SAMD3: variants seen among roughly 807,000 people sequenced by gnomAD.
The protein encoded by SAMD3 is sterile alpha motif domain containing 3.
SAMD3 carries 63 observed loss-of-function variants against 58.5 expected under a neutral mutation model. The ratio of observed to expected loss-of-function variants is 1.08; its 90% CI spans 0.88 to 1.33. The LOEUF (loss-of-function observed/expected upper bound fraction) is 1.33. Ranked by LOEUF, SAMD3 falls within the 40% of genes most tolerant of loss-of-function variation. The pLI is 0.00. For synonymous variants in SAMD3, 220 were observed against 210.3 expected (o/e 1.05, Z -0.40); for missense variants, 604 against 608.4 (o/e 0.99, Z 0.08).
chr6:130,193,051 G>A (rs1391143395), intron 5 of SAMD3, among the ~76,000 whole-genome samples: 2 of 152,148 alleles, frequency 1.3e-5, no homozygotes, highest in Non-Finnish European at 2.9e-5. Context: ...AGACTGGGAA[G>A]GCAGCCTTCC....
intron 7 of SAMD3, chr6:130,182,925 CT>C (rs1792507744): frequency 6.1e-6 from 1 of 163,346 alleles, no homozygotes; most frequent in Non-Finnish European, 1.3e-5. Flanking sequence ...GACCATCTAC[CT>C]TTTTGTATAC....
At position 130,144,477 on chromosome 6, in the gene SAMD3, A is replaced by C; in HGVS notation, c.*43T>G. On this transcript the variant is annotated 3_prime_UTR_variant, in exon 12 of 12. Coordinates refer to ENST00000439090, the MANE Select transcript of SAMD3 (RefSeq NM_001017373.4). ...TCAAAACAATTTCTTATGAAGCTTC[A>C]GTTTTCCCAGAGGTAAATTCCAGTA... 6.4e-7 allele frequency: 1 copy of C among 1,570,992 alleles called. No homozygotes were observed. The highest frequency in any genetic ancestry group is 1.2e-5 in the South Asian group (1 of 84,170).
intron 5 of SAMD3, among the ~76,000 whole-genome samples, chr6:130,186,925 C>T (rs768719246): frequency 7.9e-5 from 12 of 151,982 alleles, no homozygotes; most frequent in African/African-American, 1.4e-4. Flanking sequence ...CGCATGCCAC[C>T]GTGCCTGGCT....
intron 1 of SAMD3, among the ~76,000 whole-genome samples, chr6:130,317,363 A>G (rs1186923811): frequency 6.6e-6 from 1 of 152,214 alleles, no homozygotes; most frequent in Non-Finnish European, 1.5e-5. Context: ...TTGGACGCCT[A>G]CTACGTGTTA....
rs544964663 is a variant in SAMD3 at position 130,289,744 on chromosome 6, C to T, written c.-188+23234G>A. Among the ~76,000 whole-genome samples the T allele has an allele frequency of 3.9e-5, 6 of 152,332 alleles. No homozygotes were observed. In the East Asian group the frequency reaches 1.2e-3, roughly 29 times the overall value. On this transcript the variant is annotated intron_variant, in intron 2 of 13. Coordinates refer to the SAMD3 transcript ENST00000368134. ...CGAACTCCTGACCTCAAGCCATCCA[C>T]CTCCCTTGGCCCCCCAAAGTGCTGG...
intron 9 of SAMD3, among the ~76,000 whole-genome samples, chr6:130,153,488 A>G (rs902817281): frequency 4.6e-5 from 7 of 151,960 alleles, no homozygotes; most frequent in African/African-American, 1.7e-4. Flanking sequence ...AATTGAATAC[A>G]TAGAATTTCT....
At chr6:130,287,621 A>G (rs1257258310) in intron 2 of SAMD3, among the ~76,000 whole-genome samples, 2 of 152,162 alleles carry the variant, frequency 1.3e-5, no homozygotes, top group African/African-American at 4.8e-5. Context: ...AGGGTTATGA[A>G]GAGATCCTCT....
intron 1 of SAMD3, among the ~76,000 whole-genome samples, chr6:130,359,172 T>C (rs1284429355): frequency 6.6e-6 from 1 of 152,256 alleles, no homozygotes; most frequent in Non-Finnish European, 1.5e-5. Context: ...GCCCATTTCA[T>C]AGTAAGTACT....
At chr6:130,277,395 G>A (rs1050952330) in intron 2 of SAMD3, among the ~76,000 whole-genome samples, 2 of 152,218 alleles carry the variant, frequency 1.3e-5, no homozygotes, top group Non-Finnish European at 2.9e-5. Flanking sequence ...GAAGCAAGAT[G>A]GAGTCAGCCA....
At chr6:130,231,930 A>G (rs1203589908) in intron 2 of SAMD3, among the ~76,000 whole-genome samples, 1 of 152,206 alleles carries the variant, frequency 6.6e-6, no homozygotes, top group African/African-American at 2.4e-5. Context: ...TATCTGCATT[A>G]GTCAGTTTTG....
intron 2 of SAMD3, among the ~76,000 whole-genome samples, chr6:130,246,601 T>C (rs1773554942): frequency 6.6e-6 from 1 of 152,036 alleles, no homozygotes; most frequent in African/African-American, 2.4e-5. Context: ...AAAGAGCATA[T>C]ACAAATGCAC....
intron 2 of SAMD3, among the ~76,000 whole-genome samples, chr6:130,271,710 C>T (rs980140275): frequency 6.6e-5 from 10 of 152,118 alleles, no homozygotes; most frequent in African/African-American, 1.2e-4. Context: ...AAAGACATAT[C>T]GAGACTGGGT....
At chr6:130,228,874 G>A (rs568658699) in intron 2 of SAMD3, among the ~76,000 whole-genome samples, 6 of 152,116 alleles carry the variant, frequency 3.9e-5, no homozygotes, top group Non-Finnish European at 8.8e-5. Context: ...GTGGGCTCTG[G>A]GCTCCTTGCC....
At chr6:130,196,185 G>A (rs374371141) in intron 5 of SAMD3, among the ~76,000 whole-genome samples, 9 of 152,154 alleles carry the variant, frequency 5.9e-5, no homozygotes, top group African/African-American at 1.9e-4. Context: ...AGTGGCTCCT[G>A]CCCCCCTAAT....
At chr6:130,146,715 T>C (rs1473394905) in intron 9 of SAMD3, among the ~76,000 whole-genome samples, 2 of 151,982 alleles carry the variant, frequency 1.3e-5, no homozygotes, top group African/African-American at 4.8e-5. Flanking sequence ...TGGCTCATGA[T>C]TATAATCCCA....
intron 4 of SAMD3, among the ~76,000 whole-genome samples, chr6:130,212,796 G>C (rs1471778463): frequency 6.6e-6 from 1 of 152,116 alleles, no homozygotes; most frequent in African/African-American, 2.4e-5. Flanking sequence ...TCAATGGAAG[G>C]GAACTTCCAG....
At chr6:130,189,041 A>G (rs1433426504) in intron 5 of SAMD3, among the ~76,000 whole-genome samples, 1 of 151,138 alleles carries the variant, frequency 6.6e-6, no homozygotes, top group Admixed American at 6.6e-5. Context: ...TCCAACAACA[A>G]CTTGTACATT....
intron 5 of SAMD3, among the ~76,000 whole-genome samples, chr6:130,185,574 A>T (rs548254201): frequency 6.8e-6 from 1 of 147,758 alleles, no homozygotes; most frequent in Non-Finnish European, 1.5e-5. Context: ...TGATCTGCCC[A>T]CCTTGGCCTC....
chr6:130,360,736 C>T (rs1777960934), intron 1 of SAMD3, among the ~76,000 whole-genome samples: 1 of 152,156 alleles, frequency 6.6e-6, no homozygotes, highest in Admixed American at 6.5e-5. Flanking sequence ...CCTAATAAGC[C>T]TGGGAGCGCT....
Sources: allele counts gnomAD v4.1 joint callset (sites outside exome capture counted in the v4.1 genomes callset), GRCh38; gene constraint gnomAD v4.1.1; transcripts MANE v1.5; gene names NCBI Gene and HGNC (gene_info 2026-07-23, HGNC 2026-07-21).